The following AADAT variants were observed in gnomAD, a reference collection of about 807,000 sequenced individuals.
The protein encoded by AADAT is kynurenine/alpha-aminoadipate aminotransferase, mitochondrial.
In AADAT, 25 loss-of-function variants were observed where a neutral mutation model predicts 56.2. The observed-to-expected ratio is 0.44, with a 90% confidence interval of 0.32 to 0.62. AADAT has a LOEUF of 0.62. Ranked by LOEUF, AADAT falls within the 20% of genes least tolerant of loss-of-function variation. The pLI, the probability that AADAT is intolerant of heterozygous loss-of-function variation, is 0.04. For synonymous variants in AADAT, 173 were observed against 164.7 expected (o/e 1.05, Z -0.39); for missense variants, 387 against 510.5 (o/e 0.76, Z 2.33).
Position 170,069,248 on chromosome 4 carries a change from A to G in AADAT, c.721-18T>C. 1 of 1,603,192 alleles carries G rather than the reference A, an allele frequency of 6.2e-7. No individual in the cohort carries two copies. On this transcript the variant is annotated intron_variant, in intron 6 of 12. Transcript: ENST00000337664. ...ACCCTGAACTTAAAATGAAAAATAA[A>G]AAATACTGTTGGTCTGAAAGCTCTG...
intron 2 of AADAT, among the ~76,000 whole-genome samples, chr4:170,087,499 G>C (rs1732619953): frequency 6.6e-6 from 1 of 152,152 alleles, no homozygotes; most frequent in African/African-American, 2.4e-5. Context: ...GCTGAGATTT[G>C]AATCTACATC....
chr4:170,070,730 A>G, intron 5 of AADAT, 78 bp from the exon 6 acceptor site: 1 of 1,061,310 alleles, frequency 9.4e-7, no homozygotes, highest in Admixed American at 2.2e-5. Context: ...ATTCATTTGG[A>G]ATTATAATTC....
intron 1 of AADAT, chr4:170,089,397 T>G (rs1396119958): frequency 2.3e-5 from 14 of 602,266 alleles, no homozygotes; most frequent in Admixed American, 5.7e-5. Context: ...TCTCTACTGT[T>G]GCTCCTACTC....
At chr4:170,093,892 C>G (rs1486838137), upstream of AADAT, among the ~76,000 whole-genome samples, 1 of 152,214 alleles carries the variant, frequency 6.6e-6, no homozygotes. Context: ...GCCAGCGCAC[C>G]TGGCCTCACA....
upstream of AADAT, among the ~76,000 whole-genome samples, chr4:170,091,054 G>A (rs915500006): frequency 6.6e-6 from 1 of 152,264 alleles, no homozygotes; most frequent in Non-Finnish European, 1.5e-5. Context: ...AGTATTGAGA[G>A]GTGACAGCCT....
chr4:170,078,017 G>A (rs1732119408), intron 4 of AADAT, among the ~76,000 whole-genome samples: 1 of 152,116 alleles, frequency 6.6e-6, no homozygotes, highest in African/African-American at 2.4e-5. Flanking sequence ...AATGTGCTCT[G>A]ACCAGTGCAG....
chr4:170,089,041 T>C (rs1480135682), intron 1 of AADAT, among the ~76,000 whole-genome samples: 1 of 152,206 alleles, frequency 6.6e-6, no homozygotes, highest in Non-Finnish European at 1.5e-5. Flanking sequence ...TGGTATTTTG[T>C]TATAGCAGCC....
upstream of AADAT, among the ~76,000 whole-genome samples, chr4:170,092,441 G>A (rs948694701): frequency 2.0e-4 from 30 of 152,310 alleles, no homozygotes; most frequent in African/African-American, 7.2e-4. Context: ...CCCACCAGAA[G>A]GAAGAAACTC....
chr4:170,074,328 T>C (rs12502178), intron 4 of AADAT, among the ~76,000 whole-genome samples: 23,367 of 151,968 alleles, frequency 0.15, 2,256 homozygotes, highest in East Asian at 0.28. Context: ...TAGTACCCAA[T>C]AGGTAGTTTT....
Position 170,061,944 on chromosome 4 carries a change from C to A in AADAT, c.1184G>T (p.Ser395Ile). The A allele has an allele frequency of 6.2e-7, 1 of 1,613,234 alleles. No individual in the cohort carries two copies. Among genetic ancestry groups the A allele is most frequent in the Admixed American group, 1.7e-5 (1 of 59,980 alleles). Residue 395 changes from serine to isoleucine, a missense_variant, in exon 12 of 13, where the codon AGC becomes ATC. Transcript: ENST00000337664. ...NAFYVDSSAP[S>I]PYLRASFSSA... is the part of the protein sequence containing the mutation. ...AGAGAAGGATGCTCTCAAGTAAGGG[C>A]TAGGAGCTGAGCTATCGACGTAGAA...
chr4:170,064,338 CTA>C (rs1731341422), intron 11 of AADAT, among the ~76,000 whole-genome samples: 1 of 152,138 alleles, frequency 6.6e-6, no homozygotes, highest in African/African-American at 2.4e-5. Flanking sequence ...CAGAGCAACC[CTA>C]TGAGAGAGGG....
chr4:170,087,250 TA>T lies in AADAT; in HGVS notation c.237-3del. ...AGCCAGGACAAAAGCTCTGGAATTC[TA>T]AAGCAAAAAATGTATATTTAAATTC... On this transcript the variant is annotated splice_region_variant and splice_polypyrimidine_tract_variant and intron_variant, in intron 2 of 12. Transcript: ENST00000337664. The T allele has an allele frequency of 6.2e-7, 1 of 1,606,920 alleles. No homozygotes were observed. Among genetic ancestry groups the T allele is most frequent in the Non-Finnish European group, 8.5e-7 (1 of 1,177,824 alleles).
intron 3 of AADAT, among the ~76,000 whole-genome samples, chr4:170,081,996 T>C (rs577474997): frequency 2.0e-5 from 3 of 152,274 alleles, no homozygotes; most frequent in African/African-American, 4.8e-5. Flanking sequence ...ACCAGATCCA[T>C]CTTACGAGAA....
upstream of AADAT, among the ~76,000 whole-genome samples, chr4:170,092,497 C>T (rs903448460): frequency 1.3e-5 from 2 of 152,236 alleles, no homozygotes; most frequent in Admixed American, 6.5e-5. Flanking sequence ...GACACACTGA[C>T]TTTAAGAACT....
chr4:170,061,057 G>T, intron 12 of AADAT, 88 bp from the exon 13 acceptor site: 1 of 985,392 alleles, frequency 1.0e-6, no homozygotes, highest in Non-Finnish European at 1.4e-6. Context: ...CAAACAAAGA[G>T]TATCTGTCTA....
intron 3 of AADAT, among the ~76,000 whole-genome samples, chr4:170,083,907 C>G (rs1732431439): frequency 6.6e-6 from 1 of 152,104 alleles, no homozygotes; most frequent in Non-Finnish European, 1.5e-5. Context: ...ACAAAAACAT[C>G]AATATATCAA....
chr4:170,067,102 A>G (rs1731504253), intron 9 of AADAT, among the ~76,000 whole-genome samples: 1 of 152,222 alleles, frequency 6.6e-6, no homozygotes, highest in Non-Finnish European at 1.5e-5. Flanking sequence ...CTACCTTAGG[A>G]GTGGGTGGAC....
Position 170,070,649 on chromosome 4 carries a change from C to T in AADAT, c.658G>A (p.Ala220Thr). The T allele has an allele frequency of 1.3e-6, 2 of 1,557,524 alleles. No homozygotes were observed. The highest frequency in any genetic ancestry group is 1.8e-6 in the Non-Finnish European group (2 of 1,141,014). The stretch of plus-strand genomic sequence containing the variant: ...ATTATGAGGAAATCATATTTTCTTG[C>T]AAGCTAAAAAAGGTTGAAGTAATTG... ...SERKKEIYEL[A>T]RKYDFLIIED... The change falls in exon 6 of 13, where the codon GCA becomes ACA. Residue 220 changes from alanine to threonine, a missense_variant. Transcript: ENST00000337664.
chr4:170,069,378 A>G, intron 6 of AADAT, 148 bp from the exon 7 acceptor site: 1 of 597,788 alleles, frequency 1.7e-6, no homozygotes, highest in Non-Finnish European at 2.8e-6. Context: ...TTTAACATGG[A>G]ATAACAAACA....
Sources: gnomAD v4.1 joint callset for allele counts (sites outside exome capture counted in the v4.1 genomes callset) on GRCh38, gnomAD v4.1.1 for gene constraint, MANE v1.5 for transcripts, NCBI Gene and HGNC (gene_info 2026-07-23, HGNC 2026-07-21) for gene names.